The following BABAM2 variants were observed in gnomAD, a reference collection of about 807,000 sequenced individuals.
The protein encoded by BABAM2 is BRISC and BRCA1-A complex member 2.
Under a neutral mutation model 54.7 loss-of-function variants are expected in BABAM2, and 31 were observed. The observed-to-expected ratio is 0.57, with a 90% CI of 0.43 to 0.77. BABAM2 has a LOEUF of 0.77. Ranked by LOEUF, BABAM2 falls within the 30% of genes least tolerant of loss-of-function variation. The pLI, the probability that BABAM2 is intolerant of heterozygous loss-of-function variation, is 0.00. For missense variants in BABAM2, 364 were observed against 455.8 expected (o/e 0.80, Z 1.83); for synonymous variants, 167 against 162.9 (o/e 1.03, Z -0.19).
rs187958275 is a variant in BABAM2, at chr2:28,112,690, T to A, written c.571-16581T>A. ...CATATGTGTGCATGTGTCTTTATAG[T>A]AAAATGATTTATAATCCTTTGGGTA... On this transcript the variant is annotated intron_variant, in intron 6 of 11. Coordinates refer to ENST00000379624, the MANE Select transcript of BABAM2 (RefSeq NM_199191.3). 4.3e-3 allele frequency among the ~76,000 whole-genome samples: 662 copies of A among 152,318 alleles called. 2 individuals carry two copies. Among genetic ancestry groups the A allele is most frequent in the African/African-American group, 0.015 (643 of 41,568 alleles).
In BABAM2 at chr2:27,999,025, A is replaced by T. The variant is rs568275671; in HGVS notation, c.300+10938A>T. Among the ~76,000 whole-genome samples the T allele has an allele frequency of 3.9e-5, 6 of 152,252 alleles. No individual in the cohort carries two copies. The East Asian group carries it at 1.2e-3, about 29-fold the overall frequency. ...ACAGTATATTATCATAGCACATTAT[A>T]TACACCTTTGTAGCATTGTATTCTG... On this transcript the variant is annotated intron_variant, in intron 4 of 11. Transcript: ENST00000379624.
chr2:27,993,743 A>G (rs1320743959), intron 4 of BABAM2, among the ~76,000 whole-genome samples: 3 of 152,144 alleles, frequency 2.0e-5, no homozygotes, highest in African/African-American at 7.2e-5. Context: ...ACCTAATGCT[A>G]CTGCAGGTAT....
chr2:28,076,654 C>A (rs1201007488), intron 6 of BABAM2, among the ~76,000 whole-genome samples: 1 of 151,888 alleles, frequency 6.6e-6, no homozygotes, highest in Non-Finnish European at 1.5e-5. Context: ...CACCACCATG[C>A]CTGGCTATTT....
chr2:28,184,264 CTCTCT>C, intron 7 of BABAM2, among the ~76,000 whole-genome samples: 1 of 5,704 alleles, frequency 1.8e-4, no homozygotes, highest in South Asian at 0.017. Context: ...CCCTCCCTCC[CTCTCT>C]CTCTCTCTCT....
At chr2:27,890,026 C>T, upstream of BABAM2, 1 of 468,814 alleles carries the variant, frequency 2.1e-6, no homozygotes, top group Non-Finnish European at 3.8e-6. The surrounding 1 kb of genome is among the most constrained non-coding windows in gnomAD (Gnocchi z 4.8). Flanking sequence ...AATATTAGAG[C>T]TTTCACTAAA....
At chr2:28,133,519 G>T (rs11692928) in intron 7 of BABAM2, among the ~76,000 whole-genome samples, 70,575 of 152,026 alleles carry the variant, frequency 0.46, 17,611 homozygotes, top group Middle Eastern at 0.6. Context: ...AGAGGCTCAG[G>T]AGAGACCAAT....
intron 7 of BABAM2, among the ~76,000 whole-genome samples, chr2:28,236,493 A>C (rs933611079): frequency 2.6e-5 from 4 of 151,550 alleles, no homozygotes; most frequent in African/African-American, 9.7e-5. Context: ...CCTCCTGAGT[A>C]GCTGGGATTA....
At chr2:28,317,531 G>C (rs982196500) in intron 11 of BABAM2, among the ~76,000 whole-genome samples, 2 of 152,054 alleles carry the variant, frequency 1.3e-5, no homozygotes, top group African/African-American at 4.8e-5. Flanking sequence ...TGTGCAGGCA[G>C]GGCCAGCCCA....
Position 28,267,363 on chromosome 2 carries a change from C to A in BABAM2, c.934+22501C>A, listed in dbSNP as rs937369076. On this transcript the variant is annotated intron_variant, in intron 10 of 11. Coordinates refer to ENST00000379624, the MANE Select transcript of BABAM2 (RefSeq NM_199191.3). ...TATCTCCACAAGTCCCTCACTCCCC[C>A]ATAAATGCAGGAGGCAGAGCCCACC... is the stretch of plus-strand genomic sequence containing the variant. 4.6e-5 allele frequency among the ~76,000 whole-genome samples: 7 copies of A among 152,112 alleles called. No homozygotes were observed. The South Asian group carries it at 1.5e-3, about 32-fold the overall frequency.
At chr2:28,043,229 C>G (rs1677272535) in intron 5 of BABAM2, among the ~76,000 whole-genome samples, 1 of 150,524 alleles carries the variant, frequency 6.6e-6, no homozygotes, top group South Asian at 2.1e-4. Context: ...CCTCCTGGTT[C>G]AAGGGATTCT....
intron 8 of BABAM2, among the ~76,000 whole-genome samples, chr2:28,238,096 T>A (rs1682082291): frequency 6.6e-6 from 1 of 152,112 alleles, no homozygotes. Context: ...ATGATCTGCC[T>A]ACCTCAGCCT....
chr2:28,002,449 A>G (rs1049555017), intron 4 of BABAM2, among the ~76,000 whole-genome samples: 1 of 152,120 alleles, frequency 6.6e-6, no homozygotes, highest in African/African-American at 2.4e-5. Context: ...TAAGGTATTC[A>G]TTTTTGTTTT....
intron 7 of BABAM2, among the ~76,000 whole-genome samples, chr2:28,199,462 A>G (rs574076650): frequency 2.0e-5 from 3 of 152,338 alleles, no homozygotes; most frequent in African/African-American, 4.8e-5. Context: ...GTTCATTCTT[A>G]TCCACCAAAC....
chr2:28,333,775 A>G (rs890446781), intron 11 of BABAM2, among the ~76,000 whole-genome samples: 1 of 152,222 alleles, frequency 6.6e-6, no homozygotes, highest in Non-Finnish European at 1.5e-5. Context: ...CCACTTGGCC[A>G]GTTAATGGGG....
At chr2:27,960,423 G>A (rs182710094) in intron 3 of BABAM2, among the ~76,000 whole-genome samples, 1 of 152,106 alleles carries the variant, frequency 6.6e-6, no homozygotes, top group East Asian at 1.9e-4. Context: ...GTTAAACAAT[G>A]AACTCAGAAT....
chr2:28,321,338 C>T (rs1453330520), intron 11 of BABAM2, among the ~76,000 whole-genome samples: 1 of 152,160 alleles, frequency 6.6e-6, no homozygotes, highest in South Asian at 2.1e-4. Flanking sequence ...CCATGTTCTT[C>T]CCACTTAATC....
chr2:27,964,466 G>A (rs1452697407), intron 3 of BABAM2, among the ~76,000 whole-genome samples: 4 of 152,194 alleles, frequency 2.6e-5, no homozygotes, highest in African/African-American at 9.7e-5. Flanking sequence ...TGTATAGTAT[G>A]AACCAATAAT....
At chr2:28,198,413 A>G (rs531893202) in intron 7 of BABAM2, among the ~76,000 whole-genome samples, 6 of 151,828 alleles carry the variant, frequency 4.0e-5, no homozygotes, top group Non-Finnish European at 8.8e-5. Context: ...TGATCCACCC[A>G]CCTCAGCCTC....
At position 28,219,621 on chromosome 2, in the gene BABAM2, G is replaced by A. The variant is rs140081405; in HGVS notation, c.681-17581G>A. 3.1e-4 allele frequency among the ~76,000 whole-genome samples: 47 copies of A among 152,004 alleles called. 1 individual carries two copies. In the East Asian group the frequency reaches 8.7e-3, roughly 28 times the overall value. ...ACCACAAATGCCTACCTGTGTTCAAGGCTTGTGCTAGGAGCTTACTTCTTT... is the reference window on the plus strand; with the variant it reads ...ACCACAAATGCCTACCTGTGTTCAAAGCTTGTGCTAGGAGCTTACTTCTTT... On this transcript the variant is annotated intron_variant, in intron 7 of 11. Coordinates refer to ENST00000379624, the MANE Select transcript of BABAM2 (RefSeq NM_199191.3).
Sources: gnomAD v4.1 joint callset for allele counts (sites outside exome capture counted in the v4.1 genomes callset) on GRCh38, gnomAD v4.1.1 for gene constraint, Gnocchi (gnomAD v3.1) non-coding constraint, MANE v1.5 for transcripts, NCBI Gene and HGNC (gene_info 2026-07-23, HGNC 2026-07-21) for gene names.